Variants in CACNA1E observed in about 807,000 individuals in gnomAD.
The protein encoded by CACNA1E is voltage-dependent R-type calcium channel subunit alpha-1E.
In CACNA1E, 40 loss-of-function variants were observed where a neutral mutation model predicts 259.2. The observed-to-expected ratio is 0.15, with a 90% CI of 0.12 to 0.20. The LOEUF (loss-of-function observed/expected upper bound fraction) is 0.20. Among genes scored for constraint, CACNA1E ranks in the 10% least tolerant of loss-of-function variants. CACNA1E has a pLI of 1.00. For synonymous variants in CACNA1E, 1,104 were observed against 1,138.5 expected (o/e 0.97, Z 0.61); for missense variants, 1,874 against 3,040.1 (o/e 0.62, Z 9.02).
At chr1:181,482,957 C>T (rs946346453), upstream of CACNA1E, among the ~76,000 whole-genome samples, 3 of 152,294 alleles carry the variant, frequency 2.0e-5, no homozygotes, top group Non-Finnish European at 4.4e-5. Flanking sequence ...TGCTGCTCAA[C>T]TTCTAGCCCA....
intron 2 of CACNA1E, among the ~76,000 whole-genome samples, chr1:181,430,609 A>C (rs1274931795): frequency 6.6e-6 from 1 of 152,220 alleles, no homozygotes; most frequent in South Asian, 2.1e-4. Context: ...CACCAAGAAC[A>C]AAGGCTGCTA....
chr1:181,651,596 A>G, intron 7 of CACNA1E, 155 bp downstream of exon 7: 1 of 589,080 alleles, frequency 1.7e-6, no homozygotes, highest in Non-Finnish European at 3.0e-6. Context: ...GATGCTGGGA[A>G]TGCAGTAGTG....
chr1:181,745,839 A>T (rs778159517), intron 25 of CACNA1E, among the ~76,000 whole-genome samples: 1 of 152,226 alleles, frequency 6.6e-6, no homozygotes, highest in Non-Finnish European at 1.5e-5. Flanking sequence ...ACCAGATTGA[A>T]TAATAAAACT....
At chr1:181,779,489 T>A in intron 38 of CACNA1E, 1 of 455,608 alleles carries the variant, frequency 2.2e-6, no homozygotes, top group Non-Finnish European at 4.4e-6. Flanking sequence ...GCGGGTGATC[T>A]CGCCTCCTCT....
intron 7 of CACNA1E, among the ~76,000 whole-genome samples, chr1:181,681,821 T>A (rs1394641459): frequency 6.6e-6 from 1 of 152,168 alleles, no homozygotes; most frequent in African/African-American, 2.4e-5. Flanking sequence ...GTTGCCTTTA[T>A]TTTTTGCTGT....
In CACNA1E at chr1:181,324,666, C is replaced by T. The variant is rs78620903; in HGVS notation, c.-15+6543C>T. On this transcript the variant is annotated intron_variant, in intron 1 of 11. Coordinates refer to the CACNA1E transcript ENST00000524607. ...TAAATTAGATGATGCCTAGGACAGG[C>T]CTTTGTGGAAGGAAGATCCTGTTCC... is the stretch of plus-strand genomic sequence containing the variant. Among the ~76,000 whole-genome samples the T allele has an allele frequency of 1.3e-3, 198 of 152,186 alleles. 5 individuals are homozygous for T. In the East Asian group the frequency reaches 0.034, roughly 26 times the overall value.
At chr1:181,439,127 G>A (rs1235060) in intron 2 of CACNA1E, among the ~76,000 whole-genome samples, 9,295 of 152,198 alleles carry the variant, frequency 0.061, 454 homozygotes, top group African/African-American at 0.13. Flanking sequence ...ATTTGATTTG[G>A]ATATTTGAAT....
intron 1 of CACNA1E, among the ~76,000 whole-genome samples, chr1:181,407,145 T>C (rs572521636): frequency 3.9e-5 from 6 of 152,278 alleles, no homozygotes; most frequent in African/African-American, 1.4e-4. Context: ...GCCTGTTAAA[T>C]TGCTGTTGGA....
chr1:181,664,586 A>G (rs989976590), intron 7 of CACNA1E, among the ~76,000 whole-genome samples: 9 of 152,032 alleles, frequency 5.9e-5, no homozygotes, highest in African/African-American at 2.2e-4. Flanking sequence ...TTTTGGGGGG[A>G]AAAAGGCTCT....
At chr1:181,603,717 A>G (rs1572351936) in intron 6 of CACNA1E, among the ~76,000 whole-genome samples, 2 of 152,250 alleles carry the variant, frequency 1.3e-5, no homozygotes, top group East Asian at 3.9e-4. Context: ...GCTATTGAGC[A>G]TTTCTCACCT....
chr1:181,562,608 C>T (rs1400654305), intron 3 of CACNA1E, among the ~76,000 whole-genome samples: 4 of 152,070 alleles, frequency 2.6e-5, no homozygotes, highest in South Asian at 4.2e-4. Context: ...TCGGAGGTCA[C>T]GAGTTAATTT....
chr1:181,507,584 G>A (rs1665815768), intron 1 of CACNA1E, among the ~76,000 whole-genome samples: 2 of 152,164 alleles, frequency 1.3e-5, no homozygotes, highest in Admixed American at 1.3e-4. Flanking sequence ...GTCCAAGTGG[G>A]TATTGTGAGT....
At chr1:181,757,903 C>T (rs1436470803) in intron 30 of CACNA1E, 44 bp from the exon 31 acceptor site, 1 of 1,600,072 alleles carries the variant, frequency 6.2e-7, no homozygotes, top group East Asian at 2.2e-5. Context: ...CATGGTAGAT[C>T]TAGGGGATTT....
In CACNA1E at chr1:181,483,946, T is replaced by A; in HGVS notation, c.202T>A (p.Ser68Thr). 6.2e-7 allele frequency: 1 copy of A among 1,613,464 alleles called. No homozygotes were observed. The highest frequency in any genetic ancestry group is 1.3e-5 in the African/African-American group (1 of 75,000). ...VRQNCFTVNR[S>T]LFIFGEDNIV... ...GCAGAACTGTTTCACCGTCAACAGA[T>A]CCCTGTTCATCTTCGGAGAAGATAA... Residue 68 changes from serine (S) to threonine (T), a missense_variant, in exon 1 of 48, where the codon TCC becomes ACC. Ser to Thr is a moderately conservative substitution (Grantham distance 58). Coordinates refer to ENST00000367573, the MANE Select transcript of CACNA1E (RefSeq NM_001205293.3).
At chr1:181,387,106 T>C (rs1655912020) in intron 1 of CACNA1E, among the ~76,000 whole-genome samples, 1 of 151,860 alleles carries the variant, frequency 6.6e-6, no homozygotes, top group Non-Finnish European at 1.5e-5. Flanking sequence ...ACACAGGGGA[T>C]GTCTGTCCTT....
At chr1:181,721,001 C>G in intron 15 of CACNA1E, 146 bp downstream of exon 15, 1 of 628,750 alleles carries the variant, frequency 1.6e-6, no homozygotes, top group Non-Finnish European at 2.8e-6. Flanking sequence ...GTTGAGCGGT[C>G]ATTACTACAA....
chr1:181,433,004 G>A (rs566580648), intron 2 of CACNA1E, among the ~76,000 whole-genome samples: 10 of 152,276 alleles, frequency 6.6e-5, no homozygotes, highest in Non-Finnish European at 7.4e-5. Flanking sequence ...TGAATGCTGT[G>A]TATAATTTAC....
intron 7 of CACNA1E, among the ~76,000 whole-genome samples, chr1:181,668,162 C>T (rs1192849051): frequency 6.6e-6 from 1 of 152,196 alleles, no homozygotes; most frequent in Non-Finnish European, 1.5e-5. Flanking sequence ...TTTATAGCCA[C>T]ATCTACTATC....
chr1:181,487,635 C>A (rs1487680801), intron 1 of CACNA1E, among the ~76,000 whole-genome samples: 3 of 152,210 alleles, frequency 2.0e-5, no homozygotes, highest in African/African-American at 7.2e-5. Flanking sequence ...TCTAATAGAT[C>A]TTCTCTGGCA....
Sources: allele counts gnomAD v4.1 joint callset (sites outside exome capture counted in the v4.1 genomes callset), GRCh38; gene constraint gnomAD v4.1.1; transcripts MANE v1.5; gene names NCBI Gene and HGNC (gene_info 2026-07-23, HGNC 2026-07-21).